Variants in NPNT observed in about 807,000 individuals in gnomAD.
The protein encoded by NPNT is preosteoblast EGF-like repeat protein with MAM domain.
In NPNT, 45 loss-of-function variants were observed where a neutral mutation model predicts 68.6. The ratio of observed to expected loss-of-function variants is 0.66; its 90% confidence interval spans 0.52 to 0.84. The LOEUF (loss-of-function observed/expected upper bound fraction) is 0.84, where lower values mean the gene tolerates loss of function less well. Among genes scored for constraint, NPNT ranks in the 40% least tolerant of loss-of-function variants. NPNT has a pLI of 0.00. For synonymous variants in NPNT, 233 were observed against 253.3 expected (o/e 0.92, Z 0.76); for missense variants, 672 against 714.8 (o/e 0.94, Z 0.68).
At chr4:105,926,880 A>C (rs1728721958) in intron 2 of NPNT, among the ~76,000 whole-genome samples, 1 of 152,184 alleles carries the variant, frequency 6.6e-6, no homozygotes. Context: ...ACTTAGGAAT[A>C]CCATTTCTAG....
intron 8 of NPNT, among the ~76,000 whole-genome samples, chr4:105,956,918 G>GA (rs1196924798): frequency 2.0e-5 from 3 of 152,082 alleles, no homozygotes; most frequent in Admixed American, 6.6e-5. Context: ...AAACAAAAAG[G>GA]AAAAAACTCA....
rs1732397629 is a variant in NPNT at position 105,969,139 on chromosome 4, G to A, written c.*149G>A. ...TCTATTTGGTGACCCAGGTTTTTCT[G>A]GCCTGCTTTTGTGCAATCCCAATGA... On this transcript the variant is annotated 3_prime_UTR_variant, in exon 12 of 12. Coordinates refer to ENST00000379987, the MANE Select transcript of NPNT (RefSeq NM_001033047.3). The A allele has an allele frequency of 3.5e-6, 2 of 574,202 alleles. No individual in the cohort carries two copies. Among genetic ancestry groups the A allele is most frequent in the East Asian group, 5.6e-5 (2 of 35,402 alleles). 35.6% of individuals were successfully genotyped at this position (574,202 alleles called of 1,614,324 possible).
chr4:105,900,831 GTTGT>G lies in NPNT; in HGVS notation c.172+2833_172+2836del, dbSNP rs1345523411. ...AGTTCTTTTGTAGGTCATACCCTTG[GTTGT>G]TTTTTTTTTTTTTTTTTTTGATTCT... On this transcript the variant is annotated intron_variant, in intron 2 of 11. Transcript: ENST00000379987. Among the ~76,000 whole-genome samples, 1,196 of 127,750 alleles carry G rather than the reference GTTGT, an allele frequency of 9.4e-3. 14 individuals carry two copies. The highest frequency in any genetic ancestry group is 0.034 in the African/African-American group (1,077 of 31,592). 83.8% of individuals were successfully genotyped at this position (127,750 alleles called of 152,430 possible).
intron 10 of NPNT, among the ~76,000 whole-genome samples, chr4:105,966,691 G>A (rs1279843682): frequency 6.6e-6 from 1 of 151,744 alleles, no homozygotes; most frequent in Non-Finnish European, 1.5e-5. Context: ...TTAAGTTGGG[G>A]GAGGAGAGAA....
Position 105,927,403 on chromosome 4 carries a change from T to A in NPNT, c.240T>A (p.Gly80=). 6.2e-7 allele frequency: 1 copy of A among 1,612,202 alleles called. No homozygotes were observed. The highest frequency in any genetic ancestry group is 8.5e-7 in the Non-Finnish European group (1 of 1,178,550). ...CAAACAAGTGCAAGTGTCATCCTGG[T>A]TATGCTGGAAAAACCTGTAATCAAG... The part of the protein sequence containing the change: ...IGPNKCKCHP[G]YAGKTCNQDL... The change falls in exon 3 of 12, where the codon GGT becomes GGA. Residue 80 remains glycine, a synonymous_variant. Transcript: ENST00000379987.
chr4:105,909,754 A>G (rs1439886753), intron 2 of NPNT, among the ~76,000 whole-genome samples: 1 of 152,186 alleles, frequency 6.6e-6, no homozygotes, highest in Non-Finnish European at 1.5e-5. Flanking sequence ...AGAACTTTCT[A>G]GAGCTATTGC....
At chr4:105,915,520 G>A (rs1727738717) in intron 2 of NPNT, among the ~76,000 whole-genome samples, 1 of 152,036 alleles carries the variant, frequency 6.6e-6, no homozygotes, top group African/African-American at 2.4e-5. Context: ...CTTTTTATGA[G>A]GATCAAATGA....
At chr4:105,918,439 C>T (rs930422083) in intron 2 of NPNT, among the ~76,000 whole-genome samples, 1 of 152,126 alleles carries the variant, frequency 6.6e-6, no homozygotes, top group African/African-American at 2.4e-5. Flanking sequence ...TAATTTTCAA[C>T]TGAAAGAAAT....
chr4:105,956,130 T>A (rs990868928), intron 8 of NPNT, among the ~76,000 whole-genome samples: 2 of 136,862 alleles, frequency 1.5e-5, no homozygotes. Flanking sequence ...CTTGACTAAT[T>A]CTTTGTGTTG....
rs138736795 is a variant in NPNT, at chr4:105,927,229, A to G, written c.173-107A>G. On this transcript the variant is annotated intron_variant, in intron 2 of 11. Transcript: ENST00000379987. ...TTGTATACTTTGGCTACTTTGTTGT[A>G]AGTTCTAGTTTTTTTTCTTTTATTA... The G allele has an allele frequency of 4.3e-5, 28 of 650,912 alleles. No individual in the cohort carries two copies. The African/African-American group carries it at 5.1e-4, about 12-fold the overall frequency. 40.3% of individuals were successfully genotyped at this position (650,912 alleles called of 1,614,324 possible). A position where few individuals can be genotyped will look rare whatever the true frequency, so the allele number is the denominator to read the frequency against.
intron 10 of NPNT, 90 bp downstream of exon 10, chr4:105,959,216 C>T (rs918389838): frequency 9.0e-6 from 7 of 781,150 alleles, no homozygotes; most frequent in African/African-American, 8.5e-5. Flanking sequence ...TCTACTGTAA[C>T]ACATCTCTGT....
At chr4:105,915,770 T>G (rs896917248) in intron 2 of NPNT, among the ~76,000 whole-genome samples, 1 of 152,232 alleles carries the variant, frequency 6.6e-6, no homozygotes, top group Non-Finnish European at 1.5e-5. Flanking sequence ...AAACTTGATA[T>G]GTGCTTGGAT....
At chr4:105,912,480 A>G (rs1293607606) in intron 2 of NPNT, 1 of 461,276 alleles carries the variant, frequency 2.2e-6, no homozygotes, top group African/African-American at 2.1e-5. Flanking sequence ...CTTCTGTTTT[A>G]TGAATCTAAT....
At chr4:105,931,772 G>A (rs778810318) in intron 3 of NPNT, among the ~76,000 whole-genome samples, 4 of 152,084 alleles carry the variant, frequency 2.6e-5, no homozygotes, top group South Asian at 2.1e-4. Context: ...CGTGGGAGGC[G>A]GAGCTTGCAG....
intron 2 of NPNT, among the ~76,000 whole-genome samples, chr4:105,898,471 G>T (rs548205327): frequency 4.0e-5 from 6 of 151,542 alleles, no homozygotes; most frequent in Non-Finnish European, 7.4e-5. Flanking sequence ...AGTCTAGACC[G>T]TATTTACACA....
chr4:105,936,669 TG>T (rs1729518771), intron 3 of NPNT, among the ~76,000 whole-genome samples: 1 of 152,226 alleles, frequency 6.6e-6, no homozygotes, highest in Admixed American at 6.5e-5. Context: ...TTGAGAATAT[TG>T]GCAAACAGTT....
At chr4:105,919,909 C>A (rs1191638214) in intron 2 of NPNT, among the ~76,000 whole-genome samples, 2 of 151,782 alleles carry the variant, frequency 1.3e-5, no homozygotes, top group African/African-American at 2.4e-5. Context: ...TGTTTTGATA[C>A]CCTGTTCCCC....
chr4:105,914,779 C>A (rs1287589231), intron 2 of NPNT, among the ~76,000 whole-genome samples: 1 of 151,862 alleles, frequency 6.6e-6, no homozygotes, highest in African/African-American at 2.4e-5. Context: ...CAGAAAAATG[C>A]ATTTAAAGCT....
intron 2 of NPNT, among the ~76,000 whole-genome samples, chr4:105,914,850 G>A (rs28653289): frequency 0.02 from 3,052 of 152,162 alleles, 102 homozygotes; most frequent in African/African-American, 0.068. Flanking sequence ...CAGCATATGT[G>A]GGGTATATGT....
Sources: gnomAD v4.1 joint callset for allele counts (sites outside exome capture counted in the v4.1 genomes callset) on GRCh38, gnomAD v4.1.1 for gene constraint, MANE v1.5 for transcripts, NCBI Gene and HGNC (gene_info 2026-07-23, HGNC 2026-07-21) for gene names.